The following TIE1 variants were observed in gnomAD, a reference collection of about 807,000 sequenced individuals.
TIE1 encodes tyrosine-protein kinase receptor Tie-1.
TIE1 carries 89 observed loss-of-function variants against 130.5 expected under a neutral mutation model. The ratio of observed to expected loss-of-function variants is 0.68; its 90% CI spans 0.57 to 0.81. TIE1 has a LOEUF of 0.81. Ranked by LOEUF, TIE1 falls within the 40% of genes least tolerant of loss-of-function variation. The probability of loss-of-function intolerance (pLI) is 0.00; values close to 1 mark genes in which losing one functional copy is unlikely to be tolerated. For synonymous variants in TIE1, 568 were observed against 629.4 expected, an observed-to-expected ratio of 0.90 and a Z score of 1.46; for missense variants, 1,392 against 1,559.8, an observed-to-expected ratio of 0.89 and a Z score of 1.81.
At position 43,318,508 on chromosome 1, in the gene TIE1, CTT is replaced by C. The variant is rs796101725; in HGVS notation, c.2922+448_2922+449del. ...GTGAGTCTGAGGGAAGGCATTTTAT[CTT>C]TTTTTTTTTTTGAGACTGAGTCTCA... On this transcript the variant is annotated intron_variant, in intron 17 of 22. Transcript: ENST00000372476. This position sits in a 1 kb window ranked among gnomAD's most constrained non-coding sequence, Gnocchi z 4.4. 3.4e-5 allele frequency among the ~76,000 whole-genome samples: 5 copies of C among 145,368 alleles called. No individual in the cohort carries two copies. The highest frequency in any genetic ancestry group is 4.6e-5 in the Non-Finnish European group (3 of 65,700).
In TIE1 at chr1:43,317,499, C is replaced by A; in HGVS notation, c.2621-65C>A. 1.2e-6 allele frequency: 2 copies of A among 1,604,542 alleles called. No individual in the cohort carries two copies. The highest frequency in any genetic ancestry group is 1.7e-6 in the Non-Finnish European group (2 of 1,171,346). On this transcript the variant is annotated intron_variant, in intron 15 of 22. Transcript: ENST00000372476. The surrounding 1 kb of genome is among the most constrained non-coding windows in gnomAD (Gnocchi z 5.1). The stretch of plus-strand genomic sequence containing the variant: ...ACCTGGCTTCCTCCAGCAATTGACC[C>A]CAGCCCTTGCCAGCCCTTTCTCCAG...
intron 1 of TIE1, chr1:43,302,410 C>T (rs1325856951): frequency 6.6e-6 from 1 of 152,250 alleles, no homozygotes; most frequent in East Asian, 1.9e-4. Flanking sequence ...TTGAGTGGTT[C>T]ATGGTCTAGT....
rs142279891 is a variant in TIE1 at position 43,312,391 on chromosome 1, G to C, written c.1717G>C (p.Gly573Arg). The C allele has an allele frequency of 2.0e-4, 321 of 1,603,484 alleles. No individual in the cohort carries two copies. The highest frequency in any genetic ancestry group is 2.5e-4 in the Non-Finnish European group (298 of 1,174,884). Reference sequence around the variant, plus strand: ...GAGCTGGTCCTTGCCCTTGGTGCCCGGGCCACTGGTGGGCGACGGTTTCCT... The same window carrying C: ...GAGCTGGTCCTTGCCCTTGGTGCCCCGGCCACTGGTGGGCGACGGTTTCCT... Reference protein sequence around the residue: ...RVSWSLPLVPGPLVGDGFLLR... With the variant: ...RVSWSLPLVPRPLVGDGFLLR... Residue 573 changes from glycine to arginine, a missense_variant, in exon 12 of 23, where the codon GGG becomes CGG. Coordinates refer to ENST00000372476, the MANE Select transcript of TIE1 (RefSeq NM_005424.5). The surrounding 1 kb of genome is among the most constrained non-coding windows in gnomAD (Gnocchi z 5.6).
chr1:43,317,601 A>G lies in TIE1; in HGVS notation c.2658A>G (p.Gly886=). 6.2e-7 allele frequency: 1 copy of G among 1,609,010 alleles called. No homozygotes were observed. ...AAAATGACCATCGTGACTTTGCGGG[A>G]GAACTGGAAGTTCTGTGCAAATTGG... is the stretch of plus-strand genomic sequence containing the variant. ...ASENDHRDFA[G]ELEVLCKLGH... Residue 886 remains glycine, a synonymous_variant, in exon 16 of 23, where the codon GGA becomes GGG. Coordinates refer to ENST00000372476, the MANE Select transcript of TIE1 (RefSeq NM_005424.5). This position sits in a 1 kb window ranked among gnomAD's most constrained non-coding sequence, Gnocchi z 5.1.
chr1:43,317,284 C>A lies in TIE1; in HGVS notation c.2495C>A (p.Pro832Gln). ...CTGCAGCCCGAGCCCCTGAGCTACCCAGTGCTAGAGTGGGAGGACATCACC... is the reference window on the plus strand; with the variant it reads ...CTGCAGCCCGAGCCCCTGAGCTACCAAGTGCTAGAGTGGGAGGACATCACC... ...PKLQPEPLSY[P>Q]VLEWEDITFE... Residue 832 changes from proline (P) to glutamine (Q), a missense_variant, in exon 15 of 23, where the codon CCA becomes CAA. Pro to Gln is a moderately conservative substitution (Grantham distance 76). Coordinates refer to ENST00000372476, the MANE Select transcript of TIE1 (RefSeq NM_005424.5). The surrounding 1 kb of genome is among the most constrained non-coding windows in gnomAD (Gnocchi z 5.1). The A allele has an allele frequency of 1.2e-6, 2 of 1,614,198 alleles. No individual in the cohort carries two copies. Among genetic ancestry groups the A allele is most frequent in the Non-Finnish European group, 8.5e-7 (1 of 1,180,036 alleles).
Position 43,312,483 on chromosome 1 carries a change from C to T in TIE1, c.1809C>T (p.Arg603=). The change falls in exon 12 of 23, where the codon CGC becomes CGT. Residue 603 remains arginine (R), a synonymous_variant. Coordinates refer to ENST00000372476, the MANE Select transcript of TIE1 (RefSeq NM_005424.5). This position sits in a 1 kb window ranked among gnomAD's most constrained non-coding sequence, Gnocchi z 5.6. ...AGAACGTCTCATCCCCCCAGGCCCG[C>T]ACTGCCCTCCTGACGGGACTCACGC... ...RRENVSSPQA[R]TALLTGLTPG... is the part of the protein sequence containing the mutation. 1.9e-6 allele frequency: 3 copies of T among 1,612,594 alleles called. No individual in the cohort carries two copies. The highest frequency in any genetic ancestry group is 2.5e-6 in the Non-Finnish European group (3 of 1,179,864).
At position 43,321,726 on chromosome 1, in the gene TIE1, T is replaced by C. The variant is rs778585664; in HGVS notation, c.3345+11T>C. ...CTGGAAGCCAGGAAGGTGAGGAGAC[T>C]GGGGCTGAGGTGGCGGGCTGGGCTC... On this transcript the variant is annotated intron_variant, in intron 22 of 22. Coordinates refer to ENST00000372476, the MANE Select transcript of TIE1 (RefSeq NM_005424.5). The C allele has an allele frequency of 1.3e-6, 2 of 1,551,608 alleles. No homozygotes were observed. The highest frequency in any genetic ancestry group is 1.7e-6 in the Non-Finnish European group (2 of 1,146,938).
intron 1 of TIE1, 58 bp from the exon 2 acceptor site, chr1:43,304,793 C>T: frequency 7.3e-7 from 1 of 1,377,800 alleles, no homozygotes; most frequent in South Asian, 1.8e-5. Flanking sequence ...GGGCTGGGGG[C>T]TCTGGGGCAC....
intron 7 of TIE1, 176 bp from the exon 8 acceptor site, chr1:43,308,810 A>T: frequency 1.3e-6 from 1 of 796,838 alleles, no homozygotes. Flanking sequence ...TAGACTTTGC[A>T]GCTGATGGGA....
chr1:43,313,550 C>T lies in TIE1; in HGVS notation c.2218+125C>T. 1 of 1,287,298 alleles carries T rather than the reference C, an allele frequency of 7.8e-7. No individual in the cohort carries two copies. Among genetic ancestry groups the T allele is most frequent in the South Asian group, 1.4e-5 (1 of 69,682 alleles). The allele number at this position is 1,287,298 out of a possible 1,614,324, so 79.7% of individuals were successfully genotyped here. ...CAGGCCCCTCCTGACAAAGAGTCAG[C>T]CCCAGTCCTGGGGACTCAGCCTTCC... On this transcript the variant is annotated intron_variant, in intron 13 of 22. Transcript: ENST00000372476. The surrounding 1 kb of genome is among the most constrained non-coding windows in gnomAD (Gnocchi z 6.2).
intron 7 of TIE1, among the ~76,000 whole-genome samples, chr1:43,308,582 C>T (rs1270762438): frequency 6.6e-6 from 1 of 152,012 alleles, no homozygotes; most frequent in Non-Finnish European, 1.5e-5. Context: ...TATGATGGGG[C>T]AAGAGGGAAT....
rs748209338 is a variant in TIE1, at chr1:43,313,469, G to A, written c.2218+44G>A. 3.7e-6 allele frequency: 6 copies of A among 1,606,092 alleles called. No homozygotes were observed. In the South Asian group the frequency reaches 4.4e-5, roughly 12 times the overall value. The stretch of plus-strand genomic sequence containing the variant: ...CAGGACCCCCCGGGCTCTGAGCGGG[G>A]AGAGCTCAGCACGCTCTCCTTCCAC... On this transcript the variant is annotated intron_variant, in intron 13 of 22. Coordinates refer to ENST00000372476, the MANE Select transcript of TIE1 (RefSeq NM_005424.5). This position sits in a 1 kb window ranked among gnomAD's most constrained non-coding sequence, Gnocchi z 6.2.
chr1:43,310,591 C>G (rs1043680522), intron 9 of TIE1, among the ~76,000 whole-genome samples: 5 of 152,166 alleles, frequency 3.3e-5, no homozygotes, highest in Non-Finnish European at 7.3e-5. Context: ...GATCTGCAGC[C>G]AGGACCCCTC....
In TIE1 at chr1:43,318,212, G is replaced by A. The variant is rs1190243362; in HGVS notation, c.2922+140G>A. ...GTGTGGGTGGGTGCAAGCACAGCGA[G>A]GAGGCAGGGCCAAGGGGCAGGTCTG... On this transcript the variant is annotated intron_variant, in intron 17 of 22. Coordinates refer to ENST00000372476, the MANE Select transcript of TIE1 (RefSeq NM_005424.5). This position sits in a 1 kb window ranked among gnomAD's most constrained non-coding sequence, Gnocchi z 4.4. The A allele has an allele frequency of 8.9e-7, 1 of 1,117,498 alleles. No homozygotes were observed. Among genetic ancestry groups the A allele is most frequent in the Non-Finnish European group, 1.2e-6 (1 of 815,084 alleles). 69.2% of individuals were successfully genotyped at this position (1,117,498 alleles called of 1,614,324 possible). A position where few individuals can be genotyped will look rare whatever the true frequency, so the allele number is the denominator to read the frequency against.
Position 43,321,690 on chromosome 1 carries a change from TAGGCC to T in TIE1, c.3321_3325del (p.Gly1108HisfsTer15). The stretch of plus-strand genomic sequence containing the variant: ...CCCTTTGCCCAGATTGCGCTACAGC[TAGGCC>T]GCATGCTGGAAGCCAGGAAGGTGAG... On this transcript the variant is annotated frameshift_variant, in exon 22 of 23. Transcript: ENST00000372476. LOFTEE classifies it high-confidence loss of function. 2 of 1,552,944 alleles carry T rather than the reference TAGGCC, an allele frequency of 1.3e-6. No homozygotes were observed. Among genetic ancestry groups the T allele is most frequent in the Non-Finnish European group, 1.7e-6 (2 of 1,147,628 alleles).
chr1:43,318,268 G>T lies in TIE1; in HGVS notation c.2922+196G>T, dbSNP rs945568302. 6.6e-6 allele frequency among the ~76,000 whole-genome samples: 1 copy of T among 152,198 alleles called. No homozygotes were observed. Among genetic ancestry groups the T allele is most frequent in the African/African-American group, 2.4e-5 (1 of 41,454 alleles). On this transcript the variant is annotated intron_variant, in intron 17 of 22. Coordinates refer to ENST00000372476, the MANE Select transcript of TIE1 (RefSeq NM_005424.5). The surrounding 1 kb of genome is among the most constrained non-coding windows in gnomAD (Gnocchi z 4.4). The stretch of plus-strand genomic sequence containing the variant: ...GGTGGGGACTTCCAGTATGGAGGGT[G>T]CGGGTGTTGAGTGAGCAGGTCTAGA...
In TIE1 at chr1:43,322,274, A is replaced by C. The variant is rs1646927922; in HGVS notation, c.3346-377A>C. On this transcript the variant is annotated intron_variant, in intron 22 of 22. Coordinates refer to ENST00000372476, the MANE Select transcript of TIE1 (RefSeq NM_005424.5). The surrounding 1 kb of genome is among the most constrained non-coding windows in gnomAD (Gnocchi z 4.0). ...AGTAAATATGAAGAGTTCTTCAAGTAAATTAATGATTAAATAACCATCTTA... is the reference window on the plus strand; with the variant it reads ...AGTAAATATGAAGAGTTCTTCAAGTCAATTAATGATTAAATAACCATCTTA... Among the ~76,000 whole-genome samples, 1 of 152,270 alleles carries C rather than the reference A, an allele frequency of 6.6e-6. No individual in the cohort carries two copies. The highest frequency in any genetic ancestry group is 2.1e-4 in the South Asian group (1 of 4,838).
rs1646890288 is a variant in TIE1, at chr1:43,319,275, G to C, written c.2963G>C (p.Gly988Ala). 2 of 1,614,054 alleles carry C rather than the reference G, an allele frequency of 1.2e-6. No homozygotes were observed. Among genetic ancestry groups the C allele is most frequent in the Non-Finnish European group, 1.7e-6 (2 of 1,179,988 alleles). ...CTGGCTGCCCGGAATGTGCTGGTCG[G>C]AGAGAACCTAGCCTCCAAGATTGCA... is the stretch of plus-strand genomic sequence containing the variant. ...RDLAARNVLV[G>A]ENLASKIADF... is the part of the protein sequence containing the mutation. Residue 988 changes from glycine to alanine, a missense_variant, in exon 18 of 23, where the codon GGA becomes GCA. Coordinates refer to ENST00000372476, the MANE Select transcript of TIE1 (RefSeq NM_005424.5). The surrounding 1 kb of genome is among the most constrained non-coding windows in gnomAD (Gnocchi z 4.7).
Position 43,304,925 on chromosome 1 carries a change from T to A in TIE1, c.133T>A (p.Ser45Thr). The part of the protein sequence containing the change: ...DPQRFFLTCV[S>T]GEAGAGRGSD... ...CCAGCGCTTCTTCCTGACTTGCGTG[T>A]CTGGGGAGGCCGGGGCGGGGAGGGG... Residue 45 changes from serine (S) to threonine (T), a missense_variant, in exon 2 of 23, where the codon TCT becomes ACT. Transcript: ENST00000372476. The A allele has an allele frequency of 6.9e-7, 1 of 1,442,620 alleles. No individual in the cohort carries two copies. The allele number at this position is 1,442,620 out of a possible 1,614,324, so 89.4% of individuals were successfully genotyped here.
Sources: gnomAD v4.1 joint callset for allele counts (sites outside exome capture counted in the v4.1 genomes callset) on GRCh38, gnomAD v4.1.1 for gene constraint, Gnocchi (gnomAD v3.1) non-coding constraint, MANE v1.5 for transcripts, NCBI Gene and HGNC (gene_info 2026-07-23, HGNC 2026-07-21) for gene names.